The following DNAH6 variants were observed in gnomAD, a reference collection of about 807,000 sequenced individuals.
DNAH6 encodes axonemal beta dynein heavy chain 6.
Under a neutral mutation model 491.4 loss-of-function variants are expected in DNAH6, and 340 were observed. The observed-to-expected ratio is 0.69, with a 90% CI of 0.63 to 0.76. DNAH6 has a LOEUF of 0.76. Among genes scored for constraint, DNAH6 ranks in the 30% least tolerant of loss-of-function variants. The probability of loss-of-function intolerance (pLI) is 0.00; values close to 1 mark genes in which losing one functional copy is unlikely to be tolerated. For synonymous variants in DNAH6, 1,603 were observed against 1,686.1 expected, an observed-to-expected ratio of 0.95 and a Z score of 1.21; for missense variants, 4,443 against 4,972.2, an observed-to-expected ratio of 0.89 and a Z score of 3.20.
chr2:84,652,881 T>G (rs1573368162), intron 33 of DNAH6, among the ~76,000 whole-genome samples: 1 of 152,116 alleles, frequency 6.6e-6, no homozygotes, highest in Middle Eastern at 3.4e-3. Flanking sequence ...AATGAGTATA[T>G]GTAAGTGATT....
chr2:84,663,230 G>A (rs1290673145), intron 37 of DNAH6, among the ~76,000 whole-genome samples: 1 of 152,222 alleles, frequency 6.6e-6, no homozygotes, highest in Non-Finnish European at 1.5e-5. Context: ...AAGAAATCTG[G>A]ATGGAGAATG....
At chr2:84,500,907 A>G in the DNAH6 span, among the ~76,000 whole-genome samples, 1 of 152,178 alleles carries the variant, frequency 6.6e-6, no homozygotes, top group African/African-American at 2.4e-5. Flanking sequence ...TTTGGTTATC[A>G]GTACTAATAG....
At chr2:84,794,559 CA>C (rs2105277438) in intron 68 of DNAH6, among the ~76,000 whole-genome samples, 1 of 150,982 alleles carries the variant, frequency 6.6e-6, no homozygotes, top group Non-Finnish European at 1.5e-5. Flanking sequence ...TTTATGCAGC[CA>C]AAAAACACAT....
chr2:84,557,688 A>C (rs776030166), intron 10 of DNAH6, 47 bp from the exon 11 acceptor site: 3 of 547,194 alleles, frequency 5.5e-6, no homozygotes, highest in Non-Finnish European at 8.7e-6. Flanking sequence ...AAAAAAATTT[A>C]TAAATATATG....
At chr2:84,590,399 G>A (rs376886879) in intron 16 of DNAH6, among the ~76,000 whole-genome samples, 59 of 150,216 alleles carry the variant, frequency 3.9e-4, no homozygotes, top group African/African-American at 1.3e-3. Context: ...GGAGGCTGAG[G>A]CAGGAGAATC....
intron 29 of DNAH6, 21 bp downstream of exon 29, chr2:84,625,084 TATTAAC>T (rs1687735379): frequency 6.7e-7 from 1 of 1,487,656 alleles, no homozygotes; most frequent in Non-Finnish European, 9.0e-7. Context: ...TGCATCTGAA[TATTAAC>T]ATTAAGTGTT....
the DNAH6 span, among the ~76,000 whole-genome samples, chr2:84,485,157 A>T: frequency 1.3e-5 from 2 of 152,218 alleles, no homozygotes. Context: ...GGGAATTTTT[A>T]AAACAATAAT....
intron 7 of DNAH6, 106 bp from the exon 8 acceptor site, chr2:84,548,182 A>G (rs1678971435): frequency 3.9e-6 from 5 of 1,283,736 alleles, no homozygotes; most frequent in Non-Finnish European, 5.3e-6. Flanking sequence ...GTGTACCAAA[A>G]TATTTTGTTG....
chr2:84,524,887 C>T (rs1282413469), intron 2 of DNAH6, among the ~76,000 whole-genome samples: 1 of 152,048 alleles, frequency 6.6e-6, no homozygotes, highest in Admixed American at 6.6e-5. Context: ...TAGCCTTTTC[C>T]TTTCTTCAGT....
At position 84,706,902 on chromosome 2, in the gene DNAH6, C is replaced by T; in HGVS notation, c.8734C>T (p.Leu2912Phe). 6.5e-7 allele frequency: 1 copy of T among 1,539,178 alleles called. No homozygotes were observed. The highest frequency in any genetic ancestry group is 8.7e-7 in the Non-Finnish European group (1 of 1,144,480). ...RQKLRAAQAE[L>F]DITMATLREK... ...AGTTGCTTGATTTTATTAGGCTGAA[C>T]TTGACATTACCATGGCTACCCTGAG... The change falls in exon 53 of 77, where the codon CTT becomes TTT. Residue 2912 changes from leucine to phenylalanine, a missense_variant. This residue lies in a region of DNAH6 where 1,463 missense variants were observed against 1,656.6 expected (regional missense o/e 0.88). Coordinates refer to ENST00000389394, the MANE Select transcript of DNAH6 (RefSeq NM_001370.2).
At chr2:84,623,609 A>G (rs897962041) in intron 26 of DNAH6, among the ~76,000 whole-genome samples, 1 of 152,236 alleles carries the variant, frequency 6.6e-6, no homozygotes, top group Non-Finnish European at 1.5e-5. Flanking sequence ...TTCAGAAAAG[A>G]GGAATGACTC....
At chr2:84,510,689 C>CCCCATCTTTGTGG in the DNAH6 span, among the ~76,000 whole-genome samples, 1 of 151,450 alleles carries the variant, frequency 6.6e-6, no homozygotes, top group East Asian at 1.9e-4. Context: ...TCTGTTTTTT[C>CCCCATCTTTGTGG]CCCATCTTTG....
At chr2:84,800,661 G>A (rs1678798240) in intron 70 of DNAH6, among the ~76,000 whole-genome samples, 3 of 152,208 alleles carry the variant, frequency 2.0e-5, no homozygotes, top group Non-Finnish European at 4.4e-5. Context: ...GAATTTCAGA[G>A]CTCAAAGTTT....
chr2:84,476,133 A>G, the DNAH6 span, among the ~76,000 whole-genome samples: 4 of 152,216 alleles, frequency 2.6e-5, no homozygotes, highest in Admixed American at 2.0e-4. Context: ...GTATTAATCT[A>G]TTATCAAGAG....
At chr2:84,701,772 T>C (rs1250981046) in intron 49 of DNAH6, among the ~76,000 whole-genome samples, 3 of 152,010 alleles carry the variant, frequency 2.0e-5, no homozygotes, top group Non-Finnish European at 2.9e-5. Context: ...CATGATCCAA[T>C]TACCTCCCAC....
Position 84,706,948 on chromosome 2 carries a change from G to C in DNAH6, c.8780G>C (p.Arg2927Thr), listed in dbSNP as rs1269299256. 6.5e-7 allele frequency: 1 copy of C among 1,544,488 alleles called. No individual in the cohort carries two copies. Among genetic ancestry groups the C allele is most frequent in the African/African-American group, 1.4e-5 (1 of 72,802 alleles). The change falls in exon 53 of 77, where the codon AGA becomes ACA. Residue 2927 changes from arginine to threonine, a missense_variant. Coordinates refer to ENST00000389394, the MANE Select transcript of DNAH6 (RefSeq NM_001370.2). ...ATLREKQALL[R>T]QVEDQIQALQ... ...CTGAGAGAAAAGCAAGCATTACTAA[G>C]ACAAGTAGAAGATCAAATACAGGCC...
rs774899113 is a variant in DNAH6, at chr2:84,529,141, A to G, written c.637A>G (p.Ile213Val). The part of the protein sequence containing the change: ...YMIPAVPRSS[I>V]EYDTYNLKVV... ...GATCCCTGCAGTGCCAAGATCATCC[A>G]TTGAATATGATACATATAATCTAAA... The change falls in exon 4 of 77, where the codon ATT becomes GTT. Residue 213 changes from isoleucine (I) to valine (V), a missense_variant. Ile to Val is a conservative substitution (Grantham distance 29). Around this residue, in one of 3 missense-constraint regions of DNAH6, gnomAD observed 2,977 missense variants for 3,296.6 expected, o/e 0.90. Coordinates refer to ENST00000389394, the MANE Select transcript of DNAH6 (RefSeq NM_001370.2). The G allele has an allele frequency of 1.7e-4, 269 of 1,548,806 alleles. 2 individuals are homozygous for G. In the Middle Eastern group the frequency reaches 6.2e-3, roughly 36 times the overall value.
In DNAH6 at chr2:84,815,892, A is replaced by G; in HGVS notation, c.12182A>G (p.His4061Arg). The change falls in exon 76 of 77, where the codon CAT (histidine) becomes CGT (arginine). Residue 4061 changes from histidine (H) to arginine (R), a missense_variant. His to Arg is a conservative substitution (Grantham distance 29). This residue lies in a region of DNAH6 where 1,463 missense variants were observed against 1,656.6 expected (regional missense o/e 0.88). Coordinates refer to ENST00000389394, the MANE Select transcript of DNAH6 (RefSeq NM_001370.2). ...TCTCCTGAGGATGGTGTTCTTGTTC[A>G]TGGGATGTTCATGGATGCTTCTCGA... ...LPSPEDGVLVHGMFMDASRWD... is the reference protein window; with the variant it reads ...LPSPEDGVLVRGMFMDASRWD... 2 of 1,551,260 alleles carry G rather than the reference A, an allele frequency of 1.3e-6. No individual in the cohort carries two copies. Among genetic ancestry groups the G allele is most frequent in the East Asian group, 2.4e-5 (1 of 40,926 alleles).
rs369242190 is a variant in DNAH6 at position 84,814,091 on chromosome 2, A to G, written c.12119A>G (p.Gln4040Arg). ...GTGATAGAAGCTGCCAAGACAGTGC[A>G]ATTTGGACAAGAACTGCCCATGGAC... ...AAVIEAAKTVQFGQELPMDME... is the reference protein window; with the variant it reads ...AAVIEAAKTVRFGQELPMDME... The change falls in exon 75 of 77, where the codon CAA becomes CGA. Residue 4040 changes from glutamine (Q) to arginine (R), a missense_variant. By Grantham distance (43) the Gln-to-Arg change is conservative. Around this residue, in one of 3 missense-constraint regions of DNAH6, gnomAD observed 1,463 missense variants for 1,656.6 expected, o/e 0.88. Coordinates refer to ENST00000389394, the MANE Select transcript of DNAH6 (RefSeq NM_001370.2). The G allele has an allele frequency of 3.7e-5, 57 of 1,551,618 alleles. No individual in the cohort carries two copies. Among genetic ancestry groups the G allele is most frequent in the Non-Finnish European group, 4.2e-5 (48 of 1,146,990 alleles).
Sources: allele counts gnomAD v4.1 joint callset (sites outside exome capture counted in the v4.1 genomes callset), GRCh38; gene constraint gnomAD v4.1.1; regional missense constraint gnomAD v4.1.1; transcripts MANE v1.5; gene names NCBI Gene and HGNC (gene_info 2026-07-23, HGNC 2026-07-21).